The following ZFAT variants were observed in gnomAD, a reference collection of about 807,000 sequenced individuals.
ZFAT encodes the protein zinc finger protein ZFAT.
Under a neutral mutation model 117.7 loss-of-function variants are expected in ZFAT, and 64 were observed. That is an observed-to-expected ratio of 0.54 (90% CI 0.44 to 0.67). The LOEUF (loss-of-function observed/expected upper bound fraction) is 0.67. ZFAT is among the 30% of genes least tolerant of loss of function. The probability of loss-of-function intolerance (pLI) is 0.00; values close to 1 mark genes in which losing one functional copy is unlikely to be tolerated. For synonymous variants in ZFAT, 679 were observed against 615.0 expected (o/e 1.10, Z -1.54); for missense variants, 1,433 against 1,584.5 (o/e 0.90, Z 1.62).
At chr8:134,743,284 T>A in the ZFAT span, among the ~76,000 whole-genome samples, 1 of 151,634 alleles carries the variant, frequency 6.6e-6, no homozygotes, top group South Asian at 2.1e-4. Context: ...AGGTCAGGAG[T>A]TCAAGACCAG....
intron 15 of ZFAT, among the ~76,000 whole-genome samples, chr8:134,503,369 G>C (rs1437748753): frequency 6.6e-6 from 1 of 152,178 alleles, no homozygotes; most frequent in Non-Finnish European, 1.5e-5. Flanking sequence ...CATGAAATCT[G>C]TCCACCAAAA....
intron 1 of ZFAT, among the ~76,000 whole-genome samples, chr8:134,675,044 C>T (rs1397472043): frequency 6.6e-6 from 1 of 152,220 alleles, no homozygotes; most frequent in Non-Finnish European, 1.5e-5. Context: ...CAGAAAGCCT[C>T]TTCTCCTCCA....
chr8:134,588,363 C>T lies in ZFAT; in HGVS notation c.2596G>A (p.Gly866Arg), dbSNP rs761903357. 1 of 1,593,474 alleles carries T rather than the reference C, an allele frequency of 6.3e-7. No individual in the cohort carries two copies. The highest frequency in any genetic ancestry group is 8.5e-7 in the Non-Finnish European group (1 of 1,169,620). The change falls in exon 9 of 16, where the codon GGG becomes AGG. Residue 866 changes from glycine (G) to arginine (R), a missense_variant. Gly to Arg is a moderately radical substitution (Grantham distance 125, BLOSUM62 -2). Transcript: ENST00000377838. ...AGCCCTTTCAGCTGAACCCTCCTCC[C>T]GAGAACCTCAGAAATGGTGCTCATG... is the stretch of plus-strand genomic sequence containing the variant. ...VSMSTISEVL[G>R]RRVQLKGLIG...
chr8:134,625,845 C>A (rs1026752447), intron 3 of ZFAT, among the ~76,000 whole-genome samples: 2 of 152,160 alleles, frequency 1.3e-5, no homozygotes, highest in African/African-American at 4.8e-5. Context: ...GGCATGGTCA[C>A]CGTGAGACCG....
At chr8:134,590,832 C>A (rs545658332) in intron 7 of ZFAT, among the ~76,000 whole-genome samples, 1 of 152,018 alleles carries the variant, frequency 6.6e-6, no homozygotes, top group South Asian at 2.1e-4. Flanking sequence ...CACCACGACC[C>A]CCCTCACCAT....
intron 3 of ZFAT, among the ~76,000 whole-genome samples, chr8:134,611,835 C>T (rs1324724799): frequency 1.3e-5 from 2 of 152,192 alleles, no homozygotes; most frequent in Non-Finnish European, 1.5e-5. Context: ...ATATTTGTGC[C>T]GCTGCTGCAG....
chr8:134,828,709 T>C, the ZFAT span, among the ~76,000 whole-genome samples: 1 of 152,230 alleles, frequency 6.6e-6, no homozygotes, highest in Admixed American at 6.5e-5. Context: ...GCAAAATGAT[T>C]TCTGAATTAA....
chr8:134,811,121 G>A, the ZFAT span, among the ~76,000 whole-genome samples: 11 of 152,158 alleles, frequency 7.2e-5, no homozygotes, highest in African/African-American at 2.7e-4. Flanking sequence ...AAGCCAGTGA[G>A]ATATGTGAGT....
rs188524765 is a variant in ZFAT at position 134,682,738 on chromosome 8, G to A, written c.20-25001C>T. Among the ~76,000 whole-genome samples the A allele has an allele frequency of 3.8e-3, 574 of 152,268 alleles. 9 individuals are homozygous for A. The highest frequency in any genetic ancestry group is 0.013 in the African/African-American group (537 of 41,552). Reference sequence around the variant, plus strand: ...AGAAACATTTCCATATAACTGGGCAGGCTGGATGTTAGCTGGGGAGAGAGC... The same window carrying A: ...AGAAACATTTCCATATAACTGGGCAAGCTGGATGTTAGCTGGGGAGAGAGC... On this transcript the variant is annotated intron_variant, in intron 1 of 15. Transcript: ENST00000377838.
intron 2 of ZFAT, among the ~76,000 whole-genome samples, chr8:134,649,195 ACACACACC>A (rs1051806691): frequency 6.0e-5 from 9 of 151,118 alleles, no homozygotes; most frequent in East Asian, 3.9e-4. Flanking sequence ...ACACACACAC[ACACACACC>A]CCATCATACT....
chr8:134,547,946 C>T (rs1822824693), intron 11 of ZFAT, among the ~76,000 whole-genome samples: 1 of 152,164 alleles, frequency 6.6e-6, no homozygotes, highest in African/African-American at 2.4e-5. Flanking sequence ...AGGCCTCTGG[C>T]AACTGTGAGA....
At chr8:134,806,699 T>C in the ZFAT span, among the ~76,000 whole-genome samples, 3 of 152,220 alleles carry the variant, frequency 2.0e-5, no homozygotes, top group Admixed American at 6.5e-5. Flanking sequence ...AAACAATACA[T>C]AGAATATTTT....
At chr8:134,666,270 C>T (rs960467150) in intron 1 of ZFAT, among the ~76,000 whole-genome samples, 1 of 152,170 alleles carries the variant, frequency 6.6e-6, no homozygotes, top group African/African-American at 2.4e-5. Flanking sequence ...ACTTCTACCC[C>T]CCATTGGCAG....
chr8:134,619,851 G>C (rs1828992673), intron 3 of ZFAT, among the ~76,000 whole-genome samples: 1 of 152,172 alleles, frequency 6.6e-6, no homozygotes, highest in Non-Finnish European at 1.5e-5. Flanking sequence ...GAGAAGAGGT[G>C]ACTGAGCCTG....
At chr8:134,826,141 G>C in the ZFAT span, among the ~76,000 whole-genome samples, 3 of 152,066 alleles carry the variant, frequency 2.0e-5, no homozygotes, top group African/African-American at 7.2e-5. Flanking sequence ...TCATTTCTGG[G>C]CACATTCCAG....
Position 134,588,358 on chromosome 8 carries a change from C to T in ZFAT, c.2601G>A (p.Arg867=). The T allele has an allele frequency of 1.9e-6, 3 of 1,593,954 alleles. No homozygotes were observed. The South Asian group carries it at 3.4e-5, about 18-fold the overall frequency. Residue 867 remains arginine, a synonymous_variant, in exon 9 of 16, where the codon AGG becomes AGA. Coordinates refer to ENST00000377838, the MANE Select transcript of ZFAT (RefSeq NM_020863.4). ...CAATTAGCCCTTTCAGCTGAACCCT[C>T]CTCCCGAGAACCTCAGAAATGGTGC... ...SMSTISEVLG[R]RVQLKGLIGK... is the part of the protein sequence containing the mutation.
intron 11 of ZFAT, among the ~76,000 whole-genome samples, chr8:134,537,597 G>T (rs765864038): frequency 4.6e-5 from 7 of 152,190 alleles, no homozygotes; most frequent in Non-Finnish European, 7.3e-5. Context: ...CAGAAAATGG[G>T]AGCCCCTGGT....
rs559442233 is a variant in ZFAT, at chr8:134,658,358, C to T, written c.20-621G>A. 3.2e-4 allele frequency among the ~76,000 whole-genome samples: 31 copies of T among 95,792 alleles called. 1 individual carries two copies. The highest frequency in any genetic ancestry group is 6.4e-4 in the South Asian group (2 of 3,142). The allele number at this position is 95,792 out of a possible 152,430, so 62.8% of individuals were successfully genotyped here. A position where few individuals can be genotyped will look rare whatever the true frequency, so the allele number is the denominator to read the frequency against. ...TCTCCAAAAAAAAAAAAATTTGCAA[C>T]TTAAAAAACTAAATCCTACCCCTCA... On this transcript the variant is annotated intron_variant, in intron 1 of 15. Coordinates refer to ENST00000377838, the MANE Select transcript of ZFAT (RefSeq NM_020863.4).
At chr8:134,632,473 G>C (rs1010959765) in intron 3 of ZFAT, among the ~76,000 whole-genome samples, 21 of 152,130 alleles carry the variant, frequency 1.4e-4, no homozygotes, top group African/African-American at 4.6e-4. Context: ...TTGTTAAAAA[G>C]TCAACTATAT....
Sources: allele counts gnomAD v4.1 joint callset (sites outside exome capture counted in the v4.1 genomes callset), GRCh38; gene constraint gnomAD v4.1.1; transcripts MANE v1.5; gene names NCBI Gene and HGNC (gene_info 2026-07-23, HGNC 2026-07-21).